KIF26B: variants seen among roughly 807,000 people sequenced by gnomAD.
The protein encoded by KIF26B is kinesin-like protein KIF26B.
KIF26B carries 63 observed loss-of-function variants against 151.2 expected under a neutral mutation model. That is an observed-to-expected ratio of 0.42 (90% CI 0.34 to 0.51). KIF26B has a LOEUF of 0.51. Among genes scored for constraint, KIF26B ranks in the 20% least tolerant of loss-of-function variants. The pLI, the probability that KIF26B is intolerant of heterozygous loss-of-function variation, is 0.07. For synonymous variants in KIF26B, 1,357 were observed against 1,262.1 expected, an observed-to-expected ratio of 1.08 and a Z score of -1.59; for missense variants, 2,813 against 2,913.6, an observed-to-expected ratio of 0.97 and a Z score of 0.79.
chr1:245,168,270 G>T (rs1480253220), intron 2 of KIF26B, among the ~76,000 whole-genome samples: 1 of 152,220 alleles, frequency 6.6e-6, no homozygotes, highest in African/African-American at 2.4e-5. Flanking sequence ...TGCAGCCGCC[G>T]CAGCGACCTC....
intron 9 of KIF26B, among the ~76,000 whole-genome samples, chr1:245,628,803 G>A (rs577078567): frequency 6.6e-6 from 1 of 152,124 alleles, no homozygotes; most frequent in South Asian, 2.1e-4. Flanking sequence ...AAGAGAGGAA[G>A]TCAACTTGTC....
intron 2 of KIF26B, among the ~76,000 whole-genome samples, chr1:245,188,733 A>C (rs1054220492): frequency 6.6e-6 from 1 of 152,254 alleles, no homozygotes; most frequent in Non-Finnish European, 1.5e-5. Context: ...TTGAATTGAA[A>C]GCAGGGACTC....
At chr1:245,546,077 C>T (rs557365309) in intron 5 of KIF26B, among the ~76,000 whole-genome samples, 181 of 152,360 alleles carry the variant, frequency 1.2e-3, no homozygotes, top group African/African-American at 4.2e-3. Context: ...CAGTTACTAA[C>T]TCCTTGTGAC....
chr1:245,570,092 C>G (rs2043052657), intron 5 of KIF26B, among the ~76,000 whole-genome samples: 1 of 151,556 alleles, frequency 6.6e-6, no homozygotes, highest in Admixed American at 6.6e-5. Flanking sequence ...CCCGCCACCA[C>G]ACCCGGCTAA....
At chr1:245,475,939 A>C (rs550315618) in intron 4 of KIF26B, among the ~76,000 whole-genome samples, 1 of 152,022 alleles carries the variant, frequency 6.6e-6, no homozygotes, top group South Asian at 2.1e-4. Context: ...ACATACATCC[A>C]CACAAACATT....
intron 2 of KIF26B, among the ~76,000 whole-genome samples, chr1:245,325,148 C>A (rs1317977870): frequency 6.6e-6 from 1 of 151,616 alleles, no homozygotes; most frequent in Non-Finnish European, 1.5e-5. Flanking sequence ...ATATTCATTG[C>A]CCACCTCCTT....
rs1310504645 is a variant in KIF26B at position 245,241,720 on chromosome 1, C to G, written c.465+85037C>G. Among the ~76,000 whole-genome samples, 6 of 152,206 alleles carry G rather than the reference C, an allele frequency of 3.9e-5. 1 individual carries two copies. The East Asian group carries it at 1.2e-3, about 29-fold the overall frequency. ...GCCCCGTCCAGGGCCCATGGCAGCC[C>G]CAGCTGGCTGCCCGCTCCCTCCTGT... On this transcript the variant is annotated intron_variant, in intron 2 of 14. Transcript: ENST00000407071. The surrounding 1 kb of genome is among the most constrained non-coding windows in gnomAD (Gnocchi z 5.0).
chr1:245,353,518 T>G (rs768636954), intron 2 of KIF26B, among the ~76,000 whole-genome samples: 7 of 152,154 alleles, frequency 4.6e-5, no homozygotes, highest in Non-Finnish European at 1.0e-4. Flanking sequence ...GAAATCCTCA[T>G]TGCCCTGCAG....
intron 2 of KIF26B, among the ~76,000 whole-genome samples, chr1:245,333,907 A>G (rs1672168924): frequency 6.6e-6 from 1 of 152,062 alleles, no homozygotes; most frequent in Non-Finnish European, 1.5e-5. Context: ...CTGAGGCACG[A>G]GAATTGCTTG....
intron 2 of KIF26B, among the ~76,000 whole-genome samples, chr1:245,310,630 A>G (rs1671647693): frequency 6.6e-6 from 1 of 152,224 alleles, no homozygotes. Flanking sequence ...AAGCTCATTC[A>G]GATGTTGCCT....
intron 4 of KIF26B, among the ~76,000 whole-genome samples, chr1:245,514,978 A>G (rs969166094): frequency 5.9e-5 from 9 of 152,220 alleles, no homozygotes; most frequent in Admixed American, 2.0e-4. Context: ...TTTCCAACAG[A>G]GGACCCAGAT....
At chr1:245,478,197 C>T (rs912186073) in intron 4 of KIF26B, among the ~76,000 whole-genome samples, 1 of 151,790 alleles carries the variant, frequency 6.6e-6, no homozygotes, top group Non-Finnish European at 1.5e-5. Context: ...GACTAGTATT[C>T]CATGGTATGG....
In KIF26B at chr1:245,483,259, TCTCAAGGCATGTG is replaced by T. The variant is rs144335049; in HGVS notation, c.1167-57505_1167-57493del. Among the ~76,000 whole-genome samples the T allele has an allele frequency of 4.6e-5, 7 of 152,030 alleles. No individual in the cohort carries two copies. The East Asian group carries it at 1.4e-3, about 29-fold the overall frequency. The stretch of plus-strand genomic sequence containing the variant: ...TAACATGCATAGAGCATTTGCTTTG[TCTCAAGGCATGTG>T]CTGGGTGCACCATTTTCATCCTCAC... On this transcript the variant is annotated intron_variant, in intron 4 of 14. Coordinates refer to ENST00000407071, the MANE Select transcript of KIF26B (RefSeq NM_018012.4).
In KIF26B at chr1:245,532,270, G is replaced by A. The variant is rs564315938; in HGVS notation, c.1167-8497G>A. On this transcript the variant is annotated intron_variant, in intron 4 of 14. Coordinates refer to ENST00000407071, the MANE Select transcript of KIF26B (RefSeq NM_018012.4). ...TTTCTTTTTTTTTTTTTTTGAGACA[G>A]AGTCTTGCTCTGTCGCCCAGGCTGG... Among the ~76,000 whole-genome samples the A allele has an allele frequency of 2.5e-5, 3 of 117,674 alleles. No individual in the cohort carries two copies. In the South Asian group the frequency reaches 7.6e-4, roughly 30 times the overall value. 77.2% of individuals were successfully genotyped at this position (117,674 alleles called of 152,430 possible).
chr1:245,558,808 C>G (rs1662099011), intron 5 of KIF26B, among the ~76,000 whole-genome samples: 1 of 152,212 alleles, frequency 6.6e-6, no homozygotes, highest in Non-Finnish European at 1.5e-5. Flanking sequence ...ACTCAGAAGC[C>G]CCTCAGACCC....
intron 9 of KIF26B, among the ~76,000 whole-genome samples, chr1:245,624,492 G>GT (rs1180571595): frequency 1.3e-5 from 2 of 152,192 alleles, no homozygotes; most frequent in Non-Finnish European, 2.9e-5. Flanking sequence ...TGTGGTTTTA[G>GT]TTTGCACTTC....
intron 2 of KIF26B, among the ~76,000 whole-genome samples, chr1:245,225,481 G>T (rs1669855430): frequency 6.6e-6 from 1 of 152,220 alleles, no homozygotes; most frequent in Non-Finnish European, 1.5e-5. Context: ...ACATGCGTCG[G>T]ATGCTTACAC....
intron 10 of KIF26B, among the ~76,000 whole-genome samples, chr1:245,679,611 G>GGC (rs1259302871): frequency 6.6e-6 from 1 of 151,752 alleles, no homozygotes; most frequent in African/African-American, 2.4e-5. Flanking sequence ...TGGGATTATA[G>GGC]GCGCGCGCCA....
chr1:245,513,963 A>C, intron 4 of KIF26B, among the ~76,000 whole-genome samples: 1 of 152,182 alleles, frequency 6.6e-6, no homozygotes. Context: ...TGGCACGCTG[A>C]AAGAATGCAC....
Sources: allele counts gnomAD v4.1 joint callset (sites outside exome capture counted in the v4.1 genomes callset), GRCh38; gene constraint gnomAD v4.1.1; non-coding constraint Gnocchi (gnomAD v3.1); transcripts MANE v1.5; gene names NCBI Gene and HGNC (gene_info 2026-07-23, HGNC 2026-07-21).